The following BLK variants were observed in gnomAD, a reference collection of about 807,000 sequenced individuals.
BLK encodes tyrosine-protein kinase Blk.
A neutral mutation model predicts 61.8 loss-of-function variants in BLK; 64 were observed. The observed-to-expected ratio is 1.03, with a 90% CI of 0.85 to 1.27. The LOEUF (loss-of-function observed/expected upper bound fraction) is 1.27, where lower values mean the gene tolerates loss of function less well. BLK is among the 50% of genes most tolerant of loss of function. The pLI is 0.00. For missense variants in BLK, 853 were observed against 660.5 expected (o/e 1.29, Z -3.19); for synonymous variants, 351 against 272.0 (o/e 1.29, Z -2.86).
intron 6 of BLK, among the ~76,000 whole-genome samples, chr8:11,550,839 A>T (rs1800866141): frequency 6.6e-6 from 1 of 151,964 alleles, no homozygotes; most frequent in South Asian, 2.2e-4. Flanking sequence ...TTTCCTTCTT[A>T]ATTTTTTTGG....
intron 5 of BLK, among the ~76,000 whole-genome samples, chr8:11,549,598 A>G (rs943278499): frequency 6.6e-6 from 1 of 152,326 alleles, no homozygotes; most frequent in Admixed American, 6.5e-5. Context: ...GGACTCGGCC[A>G]GCCAGAGCCC....
chr8:11,522,934 T>C (rs544865665), intron 1 of BLK, among the ~76,000 whole-genome samples: 7 of 152,100 alleles, frequency 4.6e-5, no homozygotes, highest in Non-Finnish European at 7.4e-5. Context: ...GAGAAAATAA[T>C]GACCAATCTT....
intron 6 of BLK, among the ~76,000 whole-genome samples, chr8:11,551,791 G>C (rs1383312926): frequency 6.6e-6 from 1 of 152,166 alleles, no homozygotes; most frequent in East Asian, 1.9e-4. Flanking sequence ...TAATCCACTT[G>C]ACAGATGAGG....
intron 1 of BLK, among the ~76,000 whole-genome samples, chr8:11,532,424 T>C (rs975811456): frequency 6.6e-6 from 1 of 150,456 alleles, no homozygotes; most frequent in Non-Finnish European, 1.5e-5. Context: ...TTGGCCAGGC[T>C]GGTCTCGAAC....
At chr8:11,511,444 A>AG (rs929125038) in intron 1 of BLK, among the ~76,000 whole-genome samples, 2 of 151,538 alleles carry the variant, frequency 1.3e-5, no homozygotes, top group Non-Finnish European at 2.9e-5. Flanking sequence ...AAAGTATTAA[A>AG]AAAAAAATCA....
chr8:11,563,874 A>T, intron 12 of BLK, 29 bp from the exon 13 acceptor site: 2 of 1,594,744 alleles, frequency 1.3e-6, no homozygotes, highest in Non-Finnish European at 8.5e-7. Flanking sequence ...CCAGCCCCTC[A>T]CCCCCGCTTG....
intron 1 of BLK, among the ~76,000 whole-genome samples, chr8:11,521,731 C>G (rs988940488): frequency 6.6e-6 from 1 of 152,198 alleles, no homozygotes; most frequent in African/African-American, 2.4e-5. Flanking sequence ...ACAGTGCCTC[C>G]CCGGCATGTG....
chr8:11,557,818 G>T (rs553590616), intron 9 of BLK, 144 bp from the exon 10 acceptor site: 2 of 709,266 alleles, frequency 2.8e-6, no homozygotes, highest in Non-Finnish European at 5.1e-6. Flanking sequence ...GCAGTAGGTA[G>T]ATCCTTCCTG....
At chr8:11,517,423 T>A (rs1401634922) in intron 1 of BLK, among the ~76,000 whole-genome samples, 1 of 152,222 alleles carries the variant, frequency 6.6e-6, no homozygotes, top group African/African-American at 2.4e-5. Flanking sequence ...CCACAGCACT[T>A]GGTGACATTG....
intron 1 of BLK, among the ~76,000 whole-genome samples, chr8:11,506,095 C>G (rs1162431978): frequency 6.6e-6 from 1 of 152,342 alleles, no homozygotes; most frequent in South Asian, 2.1e-4. Flanking sequence ...CGTGGCTCTT[C>G]ATCCTGGTTC....
In BLK at chr8:11,563,009, C is replaced by T. The variant is rs558022818; in HGVS notation, c.1211C>T (p.Pro404Leu). ...AAGTTCCCCATCAAGTGGACAGCCC[C>T]GGAAGCCATCCACTTCGGGGTCTTC... is the stretch of plus-strand genomic sequence containing the variant. Reference protein sequence around the residue: ...GAKFPIKWTAPEAIHFGVFTI... With the variant: ...GAKFPIKWTALEAIHFGVFTI... The change falls in exon 12 of 13, where the codon CCG becomes CTG. Residue 404 changes from proline (P) to leucine (L), a missense_variant. Transcript: ENST00000259089. 1.9e-5 allele frequency: 30 copies of T among 1,614,012 alleles called. No homozygotes were observed. Among genetic ancestry groups the T allele is most frequent in the East Asian group, 4.5e-5 (2 of 44,892 alleles).
At position 11,543,343 on chromosome 8, in the gene BLK, C is replaced by T. The variant is rs868844466; in HGVS notation, c.119C>T (p.Pro40Leu). Residue 40 changes from proline (P) to leucine (L), a missense_variant, in exon 2 of 13, where the codon CCC (proline) becomes CTC (leucine). Pro to Leu is a moderately conservative substitution (Grantham distance 98). Transcript: ENST00000259089. ...GACAAGGACGCCCCGCCACTGCCGC[C>T]CCTGGTGAGTGATTGCCCACCCCCA... Reference protein sequence around the residue: ...AQDKDAPPLPPLVVFNHLTPP... With the variant: ...AQDKDAPPLPLLVVFNHLTPP... 1.2e-6 allele frequency: 2 copies of T among 1,613,038 alleles called. No individual in the cohort carries two copies. The highest frequency in any genetic ancestry group is 2.2e-5 in the East Asian group (1 of 44,888).
intron 1 of BLK, among the ~76,000 whole-genome samples, chr8:11,521,092 GAC>G (rs2117331741): frequency 6.6e-6 from 1 of 152,270 alleles, no homozygotes; most frequent in Admixed American, 6.5e-5. Flanking sequence ...TGCAGGAAAA[GAC>G]AGAGTCCAGA....
chr8:11,562,701 T>C (rs1409951807), intron 11 of BLK, among the ~76,000 whole-genome samples: 1 of 152,240 alleles, frequency 6.6e-6, no homozygotes, highest in Non-Finnish European at 1.5e-5. Flanking sequence ...TGGCTGCCCA[T>C]TGAGGCCATC....
intron 1 of BLK, among the ~76,000 whole-genome samples, chr8:11,521,959 A>G (rs1024311128): frequency 6.6e-6 from 1 of 152,182 alleles, no homozygotes; most frequent in Non-Finnish European, 1.5e-5. Context: ...GTTCCTCAAA[A>G]ACACCCTTTG....
intron 1 of BLK, among the ~76,000 whole-genome samples, chr8:11,508,116 C>G (rs1054819769): frequency 6.6e-6 from 1 of 152,224 alleles, no homozygotes; most frequent in Non-Finnish European, 1.5e-5. Flanking sequence ...CTGGGAAGGA[C>G]TAGAGCCAAA....
chr8:11,544,589 A>G (rs1450878932), intron 2 of BLK, among the ~76,000 whole-genome samples: 2 of 152,230 alleles, frequency 1.3e-5, no homozygotes, highest in Admixed American at 1.3e-4. Context: ...TTTCCCCAAA[A>G]TTATATGATA....
At chr8:11,554,702 T>C (rs1371033381) in intron 6 of BLK, 41 bp from the exon 7 acceptor site, 11 of 1,609,162 alleles carry the variant, frequency 6.8e-6, no homozygotes, top group Non-Finnish European at 8.5e-6. Context: ...TTTTTTGTCT[T>C]TGTGCCTTAC....
intron 1 of BLK, among the ~76,000 whole-genome samples, chr8:11,533,473 T>C (rs1176258507): frequency 6.6e-6 from 1 of 152,022 alleles, no homozygotes; most frequent in Non-Finnish European, 1.5e-5. Context: ...CGTGACCAGA[T>C]GTGTATCTGG....
Sources: gnomAD v4.1 joint callset for allele counts (sites outside exome capture counted in the v4.1 genomes callset) on GRCh38, gnomAD v4.1.1 for gene constraint, MANE v1.5 for transcripts, NCBI Gene and HGNC (gene_info 2026-07-23, HGNC 2026-07-21) for gene names.